Variants in CEP63 observed in about 807,000 individuals in gnomAD.
CEP63 encodes centrosomal protein 63.
A neutral mutation model predicts 89.1 loss-of-function variants in CEP63; 84 were observed. That is an observed-to-expected ratio of 0.94 (90% CI 0.79 to 1.13). The LOEUF is 1.13. Ranked by LOEUF, CEP63 falls within the 50% of genes most tolerant of loss-of-function variation. The pLI, the probability that CEP63 is intolerant of heterozygous loss-of-function variation, is 0.00. For synonymous variants in CEP63, 267 were observed against 272.5 expected (o/e 0.98, Z 0.20); for missense variants, 838 against 813.3 (o/e 1.03, Z -0.37).
chr3:134,520,465 T>A (rs1947207377), intron 3 of CEP63, among the ~76,000 whole-genome samples: 1 of 152,170 alleles, frequency 6.6e-6, no homozygotes, highest in African/African-American at 2.4e-5. Context: ...CTCAATATTT[T>A]AAAGGTATTG....
At chr3:134,734,703 C>G in the CEP63 span, among the ~76,000 whole-genome samples, 5 of 152,218 alleles carry the variant, frequency 3.3e-5, no homozygotes, top group African/African-American at 1.2e-4. Flanking sequence ...CATTGAAGTT[C>G]AGCTAATTTT....
the CEP63 span, among the ~76,000 whole-genome samples, chr3:134,677,655 C>T: frequency 1.3e-5 from 2 of 152,080 alleles, no homozygotes; most frequent in Admixed American, 1.3e-4. Flanking sequence ...ACCCTAACTG[C>T]TCTCATCTTC....
chr3:134,703,287 C>T, the CEP63 span, among the ~76,000 whole-genome samples: 5 of 104,176 alleles, frequency 4.8e-5, no homozygotes, highest in African/African-American at 1.7e-4. Flanking sequence ...CAGAGTGAGA[C>T]TCCGTCTCAA....
At chr3:134,489,621 G>A (rs1030033829) in intron 1 of CEP63, among the ~76,000 whole-genome samples, 2 of 152,142 alleles carry the variant, frequency 1.3e-5, no homozygotes, top group Non-Finnish European at 2.9e-5. Context: ...TTGCAACGTG[G>A]TGATTATCTA....
chr3:134,647,890 G>A, the CEP63 span, among the ~76,000 whole-genome samples: 1 of 152,166 alleles, frequency 6.6e-6, no homozygotes, highest in African/African-American at 2.4e-5. Context: ...GATATAGAGT[G>A]GGGGGAGTGG....
the CEP63 span, among the ~76,000 whole-genome samples, chr3:134,703,253 G>A: frequency 2.1e-5 from 3 of 142,604 alleles, no homozygotes; most frequent in African/African-American, 5.3e-5. Flanking sequence ...CCGAGATAGC[G>A]CCACTGCACT....
At chr3:134,637,721 T>G in the CEP63 span, among the ~76,000 whole-genome samples, 1 of 152,200 alleles carries the variant, frequency 6.6e-6, no homozygotes, top group African/African-American at 2.4e-5. Flanking sequence ...TAAGTCACAG[T>G]TAATGAAAAA....
At chr3:134,667,680 A>G in the CEP63 span, among the ~76,000 whole-genome samples, 1 of 152,176 alleles carries the variant, frequency 6.6e-6, no homozygotes, top group Admixed American at 6.5e-5. Flanking sequence ...GGTGGGCATG[A>G]TGGTGGCTGT....
intron 3 of CEP63, among the ~76,000 whole-genome samples, chr3:134,528,362 G>A (rs577382384): frequency 2.0e-5 from 3 of 151,992 alleles, no homozygotes; most frequent in South Asian, 2.1e-4. Context: ...TTTCTCCCCC[G>A]TTCTTTGTCT....
intron 3 of CEP63, among the ~76,000 whole-genome samples, chr3:134,516,890 A>G (rs1286769934): frequency 2.0e-5 from 3 of 152,102 alleles, no homozygotes; most frequent in South Asian, 2.1e-4. Context: ...CTTTCCCCAT[A>G]CTTTGTTTCT....
intron 6 of CEP63, among the ~76,000 whole-genome samples, chr3:134,538,882 CTA>C (rs1452720807): frequency 4.6e-5 from 7 of 151,956 alleles, no homozygotes; most frequent in African/African-American, 1.2e-4. Context: ...ATTATTGACT[CTA>C]TGTAATTAAA....
chr3:134,734,058 A>C, the CEP63 span, among the ~76,000 whole-genome samples: 1 of 152,244 alleles, frequency 6.6e-6, no homozygotes, highest in African/African-American at 2.4e-5. Context: ...TAAAGGCATA[A>C]GAATTAGAAA....
downstream of CEP63, among the ~76,000 whole-genome samples, chr3:134,579,778 A>T (rs1213259240): frequency 6.6e-6 from 1 of 152,246 alleles, no homozygotes; most frequent in African/African-American, 2.4e-5. Flanking sequence ...CATTACTCAT[A>T]ATAGCCAAAA....
At chr3:134,731,721 A>G in the CEP63 span, among the ~76,000 whole-genome samples, 1 of 152,190 alleles carries the variant, frequency 6.6e-6, no homozygotes, top group Non-Finnish European at 1.5e-5. Flanking sequence ...ACTTTAAGTT[A>G]AAAAACAAGC....
At chr3:134,604,424 T>C in the CEP63 span, 8 of 1,613,834 alleles carry the variant, frequency 5.0e-6, no homozygotes, top group East Asian at 4.5e-5. Context: ...AGCATGAACA[T>C]GAACAGCGTC....
intron 8 of CEP63, 119 bp from the exon 9 acceptor site, chr3:134,547,216 G>T: frequency 1.2e-6 from 1 of 856,666 alleles, no homozygotes; most frequent in Non-Finnish European, 1.9e-6. Flanking sequence ...TAAAGCAGGA[G>T]ACAAACTTGA....
At chr3:134,661,657 G>A in the CEP63 span, among the ~76,000 whole-genome samples, 2 of 152,138 alleles carry the variant, frequency 1.3e-5, no homozygotes, top group Non-Finnish European at 2.9e-5. Context: ...TCCTTTCTGG[G>A]AAGATATTAT....
At chr3:134,584,969 T>TG (rs1958451113) in intron 10 of CEP63, among the ~76,000 whole-genome samples, 2 of 146,992 alleles carry the variant, frequency 1.4e-5, no homozygotes, top group African/African-American at 5.3e-5. Flanking sequence ...TTTTTTTTTT[T>TG]TTTTTGCATG....
chr3:134,661,226 C>G, the CEP63 span, among the ~76,000 whole-genome samples: 2 of 152,218 alleles, frequency 1.3e-5, no homozygotes, highest in African/African-American at 4.8e-5. Flanking sequence ...CATGCTCTTT[C>G]ATATCCATCC....
Sources: gnomAD v4.1 joint callset for allele counts (sites outside exome capture counted in the v4.1 genomes callset) on GRCh38, gnomAD v4.1.1 for gene constraint, MANE v1.5 for transcripts, NCBI Gene and HGNC (gene_info 2026-07-23, HGNC 2026-07-21) for gene names.